NRG3: variants seen among roughly 807,000 people sequenced by gnomAD.
The protein encoded by NRG3 is neuregulin 3.
Under a neutral mutation model 66.9 loss-of-function variants are expected in NRG3, and 31 were observed. The observed-to-expected ratio is 0.46, with a 90% CI of 0.35 to 0.63. The LOEUF (loss-of-function observed/expected upper bound fraction) is 0.63, where lower values mean the gene tolerates loss of function less well. Among genes scored for constraint, NRG3 ranks in the 20% least tolerant of loss-of-function variants. The probability of loss-of-function intolerance (pLI) is 0.00; values close to 1 mark genes in which losing one functional copy is unlikely to be tolerated. For missense variants in NRG3, 910 were observed against 878.9 expected (o/e 1.04, Z -0.45); for synonymous variants, 393 against 359.4 (o/e 1.09, Z -1.06).
intron 1 of NRG3, among the ~76,000 whole-genome samples, chr10:81,976,007 T>G (rs2060111335): frequency 6.6e-6 from 1 of 152,178 alleles, no homozygotes; most frequent in African/African-American, 2.4e-5. Flanking sequence ...TCTTGAGATT[T>G]CAGAAGGAAT....
intron 1 of NRG3, among the ~76,000 whole-genome samples, chr10:81,961,075 A>G (rs1000728885): frequency 6.6e-6 from 1 of 152,188 alleles, no homozygotes; most frequent in Non-Finnish European, 1.5e-5. Flanking sequence ...TTAATGGACT[A>G]TAATTTCATC....
At chr10:82,531,763 T>C (rs552170335) in intron 2 of NRG3, among the ~76,000 whole-genome samples, 20 of 152,014 alleles carry the variant, frequency 1.3e-4, no homozygotes, top group Admixed American at 6.6e-4. Flanking sequence ...CACCTAATCT[T>C]AGTCAACAGA....
chr10:82,500,362 T>C (rs1169849316), intron 2 of NRG3, among the ~76,000 whole-genome samples: 1 of 152,208 alleles, frequency 6.6e-6, no homozygotes, highest in Non-Finnish European at 1.5e-5. Context: ...TGAGCTACTT[T>C]GTTCCTCAGT....
chr10:82,296,700 C>A (rs546540888), intron 1 of NRG3, among the ~76,000 whole-genome samples: 5 of 151,896 alleles, frequency 3.3e-5, no homozygotes, highest in Non-Finnish European at 4.4e-5. Context: ...TTCAAATATA[C>A]AATACATTGT....
Position 82,880,413 on chromosome 10 carries a change from C to T in NRG3, c.1054+14976C>T, listed in dbSNP as rs1335045822. On this transcript the variant is annotated intron_variant, in intron 4 of 8. Transcript: ENST00000372141. Reference sequence around the variant, plus strand: ...ACAGAAAGTTAGTCTTTTAAAAAAGCCTCTTAAGGGAATTTTTTTCCACTA... The same window carrying T: ...ACAGAAAGTTAGTCTTTTAAAAAAGTCTCTTAAGGGAATTTTTTTCCACTA... 3.9e-5 allele frequency among the ~76,000 whole-genome samples: 6 copies of T among 151,980 alleles called. No individual in the cohort carries two copies. The East Asian group carries it at 9.6e-4, about 24-fold the overall frequency.
chr10:82,435,990 G>A (rs2090116574), intron 2 of NRG3, among the ~76,000 whole-genome samples: 1 of 152,022 alleles, frequency 6.6e-6, no homozygotes, highest in Non-Finnish European at 1.5e-5. Flanking sequence ...GTGCCATGTG[G>A]CACTGAGAAG....
intron 1 of NRG3, among the ~76,000 whole-genome samples, chr10:81,966,339 T>C (rs1454742778): frequency 6.6e-6 from 1 of 151,024 alleles, no homozygotes; most frequent in Non-Finnish European, 1.5e-5. Context: ...TATGTATATA[T>C]AATATAACCT....
intron 1 of NRG3, among the ~76,000 whole-genome samples, chr10:82,138,338 A>G (rs2132607261): frequency 6.6e-6 from 1 of 152,318 alleles, no homozygotes; most frequent in East Asian, 1.9e-4. Context: ...AGAAATAATT[A>G]TTAGCTAACT....
intron 2 of NRG3, among the ~76,000 whole-genome samples, chr10:82,604,858 A>T (rs953304548): frequency 6.6e-5 from 10 of 152,096 alleles, no homozygotes; most frequent in African/African-American, 2.4e-4. Context: ...GCATTGTTTT[A>T]ATTTCAAATC....
intron 1 of NRG3, among the ~76,000 whole-genome samples, chr10:82,241,259 A>G (rs2076998233): frequency 6.6e-6 from 1 of 152,174 alleles, no homozygotes; most frequent in African/African-American, 2.4e-5. Context: ...GGGGAGCAGT[A>G]GCGTATAGGA....
intron 3 of NRG3, among the ~76,000 whole-genome samples, chr10:82,864,248 C>T (rs2064301657): frequency 6.6e-6 from 1 of 152,094 alleles, no homozygotes; most frequent in Non-Finnish European, 1.5e-5. Flanking sequence ...TTTGCACCAA[C>T]TTAATAATTA....
At chr10:82,225,717 G>T (rs575527982) in intron 1 of NRG3, among the ~76,000 whole-genome samples, 1 of 152,236 alleles carries the variant, frequency 6.6e-6, no homozygotes, top group Admixed American at 6.5e-5. Flanking sequence ...CATTGAGTAA[G>T]GTCTTAGGAT....
intron 1 of NRG3, among the ~76,000 whole-genome samples, chr10:81,884,754 A>G (rs955371794): frequency 2.0e-5 from 3 of 152,140 alleles, no homozygotes; most frequent in Non-Finnish European, 2.9e-5. Context: ...TCCTGGAACT[A>G]TTCCCCCCTG....
intron 1 of NRG3, among the ~76,000 whole-genome samples, chr10:82,053,873 T>C (rs2063713927): frequency 6.6e-6 from 1 of 152,006 alleles, no homozygotes. Context: ...TTGAATGAGG[T>C]GAGAATGTAA....
At chr10:81,908,234 T>A (rs552489872) in intron 1 of NRG3, among the ~76,000 whole-genome samples, 4 of 152,324 alleles carry the variant, frequency 2.6e-5, no homozygotes, top group Non-Finnish European at 5.9e-5. Flanking sequence ...AGAAAACATC[T>A]TTCTTAAATG....
intron 1 of NRG3, among the ~76,000 whole-genome samples, chr10:82,253,064 C>G (rs181187263): frequency 6.6e-6 from 1 of 152,200 alleles, no homozygotes; most frequent in Non-Finnish European, 1.5e-5. Context: ...TTCTTCGCTT[C>G]GTCTAAGCCA....
intron 1 of NRG3, among the ~76,000 whole-genome samples, chr10:82,299,070 C>T (rs1343353490): frequency 2.6e-5 from 4 of 151,994 alleles, no homozygotes; most frequent in Admixed American, 6.6e-5. Flanking sequence ...TGCCGTGGGC[C>T]CAAAGGGGAG....
chr10:82,753,616 AT>A (rs773330900), intron 3 of NRG3, among the ~76,000 whole-genome samples: 1 of 141,772 alleles, frequency 7.1e-6, no homozygotes, highest in Non-Finnish European at 1.5e-5. Flanking sequence ...AGAATAATTC[AT>A]TTTTTACCAT....
At chr10:82,911,658 G>C (rs762833741) in intron 4 of NRG3, among the ~76,000 whole-genome samples, 13 of 151,326 alleles carry the variant, frequency 8.6e-5, no homozygotes, top group Non-Finnish European at 1.8e-4. Context: ...GCTTTTAGAG[G>C]TTTAACAATT....
Sources: gnomAD v4.1 joint callset for allele counts (sites outside exome capture counted in the v4.1 genomes callset) on GRCh38, gnomAD v4.1.1 for gene constraint, MANE v1.5 for transcripts, NCBI Gene and HGNC (gene_info 2026-07-23, HGNC 2026-07-21) for gene names.